SYNE2: variants seen among roughly 807,000 people sequenced by gnomAD.
SYNE2 encodes the protein nesprin-2.
In SYNE2, 431 loss-of-function variants were observed where a neutral mutation model predicts 856.3. The observed-to-expected ratio is 0.50, with a 90% confidence interval of 0.47 to 0.55. SYNE2 has a LOEUF of 0.55. SYNE2 is among the 20% of genes least tolerant of loss of function. The probability of loss-of-function intolerance (pLI) is 0.00; values close to 1 mark genes in which losing one functional copy is unlikely to be tolerated. For missense variants in SYNE2, 8,129 were observed against 8,023.2 expected (o/e 1.01, Z -0.50); for synonymous variants, 2,923 against 2,872.3 (o/e 1.02, Z -0.56).
At chr14:64,147,082 C>G (rs1181232155) in intron 84 of SYNE2, among the ~76,000 whole-genome samples, 2 of 151,642 alleles carry the variant, frequency 1.3e-5, no homozygotes, top group Non-Finnish European at 1.5e-5. Flanking sequence ...TACTGGAAGC[C>G]TACATTCCGC....
chr14:64,010,153 A>AGGTGGCGGG (rs1567042958), intron 32 of SYNE2, 37 bp downstream of exon 32: 1 of 1,589,222 alleles, frequency 6.3e-7, no homozygotes, highest in African/African-American at 1.3e-5. Context: ...CTGCCCAGTG[A>AGGTGGCGGG]CCTCACTGAC....
At chr14:64,037,670 GCCGGGCAGAGGGGCC>G in intron 45 of SYNE2, among the ~76,000 whole-genome samples, 1 of 16,294 alleles carries the variant, frequency 6.1e-5, no homozygotes, top group Admixed American at 7.5e-4. Context: ...CAGGGTGGTG[GCCGGGCAGAGGGGCC>G]CCTCACTTCC....
At chr14:63,986,639 G>C in intron 19 of SYNE2, 22 bp downstream of exon 19, 3 of 1,611,580 alleles carry the variant, frequency 1.9e-6, no homozygotes, top group Non-Finnish European at 2.5e-6. Flanking sequence ...AAAGTATTAA[G>C]AGGGTACTTT....
At chr14:63,865,894 T>G (rs1367633500) in intron 1 of SYNE2, among the ~76,000 whole-genome samples, 1 of 152,080 alleles carries the variant, frequency 6.6e-6, no homozygotes, top group Non-Finnish European at 1.5e-5. Context: ...TAAAAAAGGA[T>G]TTATGGATCT....
chr14:64,136,925 A>G (rs901393801), intron 78 of SYNE2, among the ~76,000 whole-genome samples: 2 of 152,182 alleles, frequency 1.3e-5, no homozygotes, highest in African/African-American at 4.8e-5. Context: ...CCAAGGGAAA[A>G]GGAGAGGGAG....
intron 45 of SYNE2, among the ~76,000 whole-genome samples, chr14:64,045,424 C>T (rs888553050): frequency 1.5e-5 from 2 of 132,956 alleles, no homozygotes; most frequent in African/African-American, 5.9e-5. Context: ...TGCAGGTTCT[C>T]TTGGGCTGGG....
At chr14:64,205,512 C>G (rs958765211) in intron 100 of SYNE2, among the ~76,000 whole-genome samples, 55 of 152,110 alleles carry the variant, frequency 3.6e-4, no homozygotes, top group Non-Finnish European at 7.9e-4. Flanking sequence ...AAAATAAGAC[C>G]TAAAAACATG....
intron 101 of SYNE2, 116 bp downstream of exon 101, chr14:64,209,061 T>C: frequency 7.5e-7 from 1 of 1,328,040 alleles, no homozygotes; most frequent in Non-Finnish European, 1.0e-6. Flanking sequence ...CGCCAGGTAT[T>C]GGCAGAGAAG....
intron 77 of SYNE2, 110 bp from the exon 78 acceptor site, chr14:64,133,959 T>A: frequency 7.5e-7 from 1 of 1,342,016 alleles, no homozygotes; most frequent in South Asian, 1.2e-5. Context: ...AATCTGTGCT[T>A]TAATTTTGTA....
At chr14:63,982,324 T>G (rs2096591637) in intron 16 of SYNE2, among the ~76,000 whole-genome samples, 1 of 151,502 alleles carries the variant, frequency 6.6e-6, no homozygotes, top group South Asian at 2.1e-4. Context: ...GGACCAGGAG[T>G]GATGACAGAC....
chr14:63,777,508 G>A (rs1887153828), intron 1 of SYNE2, among the ~76,000 whole-genome samples: 1 of 152,076 alleles, frequency 6.6e-6, no homozygotes, highest in Non-Finnish European at 1.5e-5. Context: ...GCAAGACCCT[G>A]CCTCAAACAA....
chr14:64,170,517 A>G (rs745333265), intron 94 of SYNE2, 55 bp downstream of exon 94: 128 of 1,495,204 alleles, frequency 8.6e-5, no homozygotes, highest in Middle Eastern at 3.4e-4. Context: ...TGTTTGCAAG[A>G]TGTTCATTCA....
chr14:63,916,930 TA>T (rs960707813), intron 2 of SYNE2, among the ~76,000 whole-genome samples: 1 of 148,168 alleles, frequency 6.7e-6, no homozygotes. Flanking sequence ...CCACAAAAAA[TA>T]AAAAAAAAAT....
At position 63,996,842 on chromosome 14, in the gene SYNE2, A is replaced by C. The variant is rs140157707; in HGVS notation, c.2941-105A>C. The C allele has an allele frequency of 2.7e-5, 30 of 1,098,584 alleles. No individual in the cohort carries two copies. In the African/African-American group the frequency reaches 3.9e-4, roughly 14 times the overall value. The allele number at this position is 1,098,584 out of a possible 1,614,324, so 68.1% of individuals were successfully genotyped here. ...GTCATAGCATGTAGATGGCCTATAC[A>C]AGAACACATTGTTAAAACTACACAC... On this transcript the variant is annotated intron_variant, in intron 23 of 115. Transcript: ENST00000555002.
At chr14:64,187,091 A>C (rs1025958163) in intron 97 of SYNE2, among the ~76,000 whole-genome samples, 1 of 152,230 alleles carries the variant, frequency 6.6e-6, no homozygotes, top group Admixed American at 6.5e-5. Context: ...ATCAACTGCT[A>C]TGTTGTCTCA....
At position 64,152,435 on chromosome 14, in the gene SYNE2, G is replaced by A; in HGVS notation, c.15640-129G>A. ...AGAGTATTATGATTTAAATTTCTTT[G>A]ATGTAATGCTATTTAATTATATAAT... On this transcript the variant is annotated intron_variant, in intron 84 of 115. Coordinates refer to ENST00000555002, the MANE Select transcript of SYNE2 (RefSeq NM_182914.3). The A allele has an allele frequency of 4.6e-6, 4 of 865,704 alleles. No homozygotes were observed. The South Asian group carries it at 6.7e-5, about 15-fold the overall frequency. 53.6% of individuals were successfully genotyped at this position (865,704 alleles called of 1,614,324 possible). A position where few individuals can be genotyped will look rare whatever the true frequency, so the allele number is the denominator to read the frequency against.
At chr14:63,941,421 T>C (rs1396069445) in intron 3 of SYNE2, among the ~76,000 whole-genome samples, 1 of 152,246 alleles carries the variant, frequency 6.6e-6, no homozygotes, top group African/African-American at 2.4e-5. Flanking sequence ...TCTAAAAGTC[T>C]TTAATGCCAC....
chr14:64,108,560 A>G (rs2097785898), intron 65 of SYNE2, among the ~76,000 whole-genome samples: 1 of 152,170 alleles, frequency 6.6e-6, no homozygotes, highest in African/African-American at 2.4e-5. Context: ...GGGTCTCATC[A>G]AATAGCTCCT....
At chr14:63,882,302 TTAA>T (rs1159603698) in intron 1 of SYNE2, among the ~76,000 whole-genome samples, 14 of 152,326 alleles carry the variant, frequency 9.2e-5, no homozygotes, top group Admixed American at 8.5e-4. Flanking sequence ...GTAATTGATA[TTAA>T]TAATGGTGTT....
Sources: gnomAD v4.1 joint callset for allele counts (sites outside exome capture counted in the v4.1 genomes callset) on GRCh38, gnomAD v4.1.1 for gene constraint, MANE v1.5 for transcripts, NCBI Gene and HGNC (gene_info 2026-07-23, HGNC 2026-07-21) for gene names.